CCDC73: variants seen among roughly 807,000 people sequenced by gnomAD.
CCDC73 encodes coiled-coil domain containing 73.
A neutral mutation model predicts 116.5 loss-of-function variants in CCDC73; 95 were observed. The observed-to-expected ratio is 0.82, with a 90% CI of 0.69 to 0.97. The LOEUF (loss-of-function observed/expected upper bound fraction) is 0.97, where lower values mean the gene tolerates loss of function less well. CCDC73 is among the 50% of genes least tolerant of loss of function. The pLI is 0.00. For synonymous variants in CCDC73, 398 were observed against 401.3 expected (o/e 0.99, Z 0.10); for missense variants, 1,066 against 1,206.8 (o/e 0.88, Z 1.73).
chr11:32,736,075 A>G (rs1217347836), intron 2 of CCDC73, among the ~76,000 whole-genome samples: 1 of 152,216 alleles, frequency 6.6e-6, no homozygotes, highest in African/African-American at 2.4e-5. Context: ...AAACCTAGGC[A>G]ATACCATTCA....
At chr11:32,631,630 G>GGGAAAGGAAA (rs372803412) in intron 14 of CCDC73, among the ~76,000 whole-genome samples, 1 of 150,478 alleles carries the variant, frequency 6.6e-6, no homozygotes, top group Non-Finnish European at 1.5e-5. Flanking sequence ...GGGAAGGGAC[G>GGGAAAGGAAA]GGAAAGGAAA....
At chr11:32,813,097 A>G in the CCDC73 span, among the ~76,000 whole-genome samples, 1 of 151,466 alleles carries the variant, frequency 6.6e-6, no homozygotes, top group Non-Finnish European at 1.5e-5. Flanking sequence ...ATATATTTTG[A>G]ATATCTTTGT....
chr11:32,700,750 AC>A, intron 5 of CCDC73, 40 bp downstream of exon 5: 1 of 959,446 alleles, frequency 1.0e-6, no homozygotes, highest in Non-Finnish European at 1.6e-6. Flanking sequence ...AAAAGTAAAT[AC>A]TTTTTAATAG....
At chr11:32,747,842 A>G (rs1850254109) in intron 2 of CCDC73, among the ~76,000 whole-genome samples, 1 of 152,210 alleles carries the variant, frequency 6.6e-6, no homozygotes, top group Non-Finnish European at 1.5e-5. Flanking sequence ...CTGTTCCTCC[A>G]GGTACAGTCA....
intron 16 of CCDC73, among the ~76,000 whole-genome samples, chr11:32,612,092 T>C (rs1265800966): frequency 2.0e-5 from 3 of 152,218 alleles, no homozygotes; most frequent in Non-Finnish European, 4.4e-5. Flanking sequence ...AAACAAGATA[T>C]GTTTTTGTTT....
chr11:32,785,796 C>G (rs936752935), intron 1 of CCDC73, among the ~76,000 whole-genome samples: 1 of 147,550 alleles, frequency 6.8e-6, no homozygotes, highest in Non-Finnish European at 1.5e-5. Context: ...CTTCCTATAA[C>G]AGAATCCACA....
intron 14 of CCDC73, among the ~76,000 whole-genome samples, chr11:32,617,750 CAGG>C (rs1431775109): frequency 6.6e-6 from 1 of 152,164 alleles, no homozygotes; most frequent in Non-Finnish European, 1.5e-5. Flanking sequence ...AGCGAGAAAA[CAGG>C]AGTAGTAGTA....
chr11:32,826,077 T>C, the CCDC73 span, among the ~76,000 whole-genome samples: 4 of 152,340 alleles, frequency 2.6e-5, no homozygotes, highest in East Asian at 1.9e-4. Flanking sequence ...TGTTCTTAAA[T>C]AGTAGAATTA....
chr11:32,672,078 T>A (rs1035724800), intron 9 of CCDC73, among the ~76,000 whole-genome samples: 12 of 152,198 alleles, frequency 7.9e-5, no homozygotes, highest in African/African-American at 2.7e-4. Context: ...AGGCCAGGCA[T>A]GGTGACTCAA....
At chr11:32,737,045 C>CAG (rs1841849428) in intron 2 of CCDC73, among the ~76,000 whole-genome samples, 7 of 150,994 alleles carry the variant, frequency 4.6e-5, no homozygotes, top group African/African-American at 1.7e-4. Flanking sequence ...CCTCAGCCTC[C>CAG]CTAGTAGCTG....
In CCDC73 at chr11:32,654,018, T is replaced by C; in HGVS notation, c.794A>G (p.Lys265Arg). 6.3e-7 allele frequency: 1 copy of C among 1,597,998 alleles called. No individual in the cohort carries two copies. Among genetic ancestry groups the C allele is most frequent in the Non-Finnish European group, 8.5e-7 (1 of 1,171,596 alleles). ...RLNMELELNE[K>R]INEEITHIQE... ...AATATGGGTAATCTCTTCATTAATC[T>C]TCTCATTTAATTCCAATTCCTTTAA... Residue 265 changes from lysine to arginine, a missense_variant, in exon 11 of 18, where the codon AAG (lysine) becomes AGG (arginine). Lys to Arg is a conservative substitution (Grantham distance 26, BLOSUM62 2). Coordinates refer to ENST00000335185, the MANE Select transcript of CCDC73 (RefSeq NM_001008391.4).
chr11:32,697,481 C>CTTTTTTT (rs771837421), intron 6 of CCDC73, among the ~76,000 whole-genome samples: 39 of 108,760 alleles, frequency 3.6e-4, no homozygotes, highest in East Asian at 8.4e-4. Context: ...TCTCTTTATT[C>CTTTTTTT]TTTTTTTTTT....
chr11:32,796,297 C>T (rs887887100), upstream of CCDC73, among the ~76,000 whole-genome samples: 1 of 152,108 alleles, frequency 6.6e-6, no homozygotes, highest in Non-Finnish European at 1.5e-5. Context: ...ATGTAAATGC[C>T]AAATAAATTC....
chr11:32,609,090 T>C (rs563784164), intron 17 of CCDC73, among the ~76,000 whole-genome samples: 2 of 152,324 alleles, frequency 1.3e-5, no homozygotes, highest in Admixed American at 1.3e-4. Context: ...ATTTTCCCCA[T>C]TGTCTTGGAG....
At chr11:32,815,151 A>C in the CCDC73 span, among the ~76,000 whole-genome samples, 1 of 152,220 alleles carries the variant, frequency 6.6e-6, no homozygotes, top group African/African-American at 2.4e-5. Flanking sequence ...AAATCACTGA[A>C]TTGTACATGT....
intron 12 of CCDC73, among the ~76,000 whole-genome samples, chr11:32,652,363 C>A (rs550072598): frequency 1.3e-5 from 2 of 150,906 alleles, no homozygotes; most frequent in African/African-American, 4.9e-5. Flanking sequence ...AAAAGAAATA[C>A]GTGCCAACCA....
chr11:32,718,163 A>G lies in CCDC73; in HGVS notation c.136-16T>C. The G allele has an allele frequency of 6.5e-7, 1 of 1,543,334 alleles. No individual in the cohort carries two copies. The highest frequency in any genetic ancestry group is 8.9e-7 in the Non-Finnish European group (1 of 1,129,792). On this transcript the variant is annotated splice_polypyrimidine_tract_variant and intron_variant, in intron 2 of 17. Coordinates refer to ENST00000335185, the MANE Select transcript of CCDC73 (RefSeq NM_001008391.4). The stretch of plus-strand genomic sequence containing the variant: ...TTTCTGCTTCCTAAGTCAAAAAGAA[A>G]AAGAAAAGTGCTATAAAAATAAAGA...
chr11:32,609,750 G>A (rs1855396135), intron 17 of CCDC73, among the ~76,000 whole-genome samples: 1 of 152,076 alleles, frequency 6.6e-6, no homozygotes, highest in Non-Finnish European at 1.5e-5. Flanking sequence ...TGGCTGGGGA[G>A]GCCTCATAAT....
intron 7 of CCDC73, among the ~76,000 whole-genome samples, chr11:32,678,510 T>A (rs563862895): frequency 6.6e-6 from 1 of 152,292 alleles, no homozygotes; most frequent in African/African-American, 2.4e-5. Flanking sequence ...CATATAAAAA[T>A]CACAATAAAA....
Sources: allele counts gnomAD v4.1 joint callset (sites outside exome capture counted in the v4.1 genomes callset), GRCh38; gene constraint gnomAD v4.1.1; transcripts MANE v1.5; gene names NCBI Gene and HGNC (gene_info 2026-07-23, HGNC 2026-07-21).